CSMD1: variants seen among roughly 807,000 people sequenced by gnomAD.
The protein encoded by CSMD1 is CUB and Sushi multiple domains 1.
Under a neutral mutation model 417.5 loss-of-function variants are expected in CSMD1, and 213 were observed. The observed-to-expected ratio is 0.51, with a 90% confidence interval of 0.46 to 0.57. The LOEUF (loss-of-function observed/expected upper bound fraction) is 0.57, where lower values mean the gene tolerates loss of function less well. CSMD1 is among the 20% of genes least tolerant of loss of function. The pLI is 0.00. For synonymous variants in CSMD1, 2,862 were observed against 1,736.8 expected (o/e 1.65, Z -16.11); for missense variants, 6,923 against 4,529.7 (o/e 1.53, Z -15.17).
At chr8:4,123,477 T>A (rs923730563) in intron 3 of CSMD1, among the ~76,000 whole-genome samples, 2 of 152,246 alleles carry the variant, frequency 1.3e-5, no homozygotes, top group African/African-American at 4.8e-5. Flanking sequence ...GGTAAATCAG[T>A]GCAGTTGAAT....
At chr8:4,666,682 C>G (rs1202512008) in intron 1 of CSMD1, among the ~76,000 whole-genome samples, 3 of 152,106 alleles carry the variant, frequency 2.0e-5, no homozygotes, top group Non-Finnish European at 4.4e-5. Flanking sequence ...AACAAAGTGT[C>G]CAAATATTTT....
chr8:3,786,099 C>T (rs187508990), intron 5 of CSMD1, among the ~76,000 whole-genome samples: 30 of 152,084 alleles, frequency 2.0e-4, no homozygotes, highest in Middle Eastern at 3.4e-3. Context: ...GGGTGTGAGG[C>T]GTGTAGTTTG....
intron 3 of CSMD1, among the ~76,000 whole-genome samples, chr8:4,230,604 T>C (rs1801662917): frequency 6.6e-6 from 1 of 152,190 alleles, no homozygotes; most frequent in Non-Finnish European, 1.5e-5. Flanking sequence ...GGCTGTTATG[T>C]ATCAAGATGT....
At chr8:3,778,962 C>G (rs1348042511) in intron 5 of CSMD1, among the ~76,000 whole-genome samples, 2 of 152,150 alleles carry the variant, frequency 1.3e-5, no homozygotes, top group Non-Finnish European at 2.9e-5. Context: ...TCAGCCTTGG[C>G]TTGTGTTCTT....
At chr8:3,424,608 A>G (rs969102359) in intron 12 of CSMD1, among the ~76,000 whole-genome samples, 2 of 152,236 alleles carry the variant, frequency 1.3e-5, no homozygotes, top group African/African-American at 4.8e-5. Context: ...TAGTATCACA[A>G]TTTGAACACA....
At chr8:3,157,032 G>A (rs932241882) in intron 39 of CSMD1, among the ~76,000 whole-genome samples, 8 of 149,410 alleles carry the variant, frequency 5.4e-5, no homozygotes, top group Admixed American at 5.3e-4. Flanking sequence ...AATAGCATTC[G>A]CAGAGGAAGT....
intron 3 of CSMD1, among the ~76,000 whole-genome samples, chr8:4,303,897 T>C (rs1798114715): frequency 6.6e-6 from 1 of 152,100 alleles, no homozygotes; most frequent in African/African-American, 2.4e-5. Context: ...CCTTGTGATC[T>C]GCCTGCCTCA....
intron 1 of CSMD1, among the ~76,000 whole-genome samples, chr8:4,841,929 A>AAAAAAAAAACAAAAAACAAAAC (rs1554499183): frequency 3.5e-5 from 5 of 144,368 alleles, no homozygotes; most frequent in African/African-American, 1.3e-4. Flanking sequence ...AAAAAAAAAA[A>AAAAAAAAAACAAAAAACAAAAC]AAAAAAAAAG....
intron 3 of CSMD1, among the ~76,000 whole-genome samples, chr8:4,163,674 C>T (rs534479569): frequency 1.3e-5 from 2 of 151,978 alleles, no homozygotes; most frequent in Admixed American, 1.3e-4. Context: ...AATTTTAAAA[C>T]AAGAAGTAAC....
At chr8:2,996,038 G>C (rs932647544) in intron 54 of CSMD1, among the ~76,000 whole-genome samples, 5 of 152,090 alleles carry the variant, frequency 3.3e-5, no homozygotes, top group African/African-American at 1.2e-4. Flanking sequence ...TCTACCACTG[G>C]GTGAGAGTGG....
intron 1 of CSMD1, among the ~76,000 whole-genome samples, chr8:4,993,079 T>C (rs888800253): frequency 3.9e-5 from 6 of 152,134 alleles, no homozygotes; most frequent in African/African-American, 1.4e-4. Context: ...ACAGTCCTCC[T>C]TCGCCCTGCC....
chr8:3,945,344 G>C (rs947975662), intron 5 of CSMD1, among the ~76,000 whole-genome samples: 1 of 152,064 alleles, frequency 6.6e-6, no homozygotes, highest in Non-Finnish European at 1.5e-5. Context: ...TGGACATAAT[G>C]ATGTCCACAA....
intron 4 of CSMD1, among the ~76,000 whole-genome samples, chr8:4,011,156 TATAAA>T (rs994562700): frequency 1.3e-5 from 2 of 152,202 alleles, no homozygotes; most frequent in African/African-American, 4.8e-5. Flanking sequence ...GATGCCTACT[TATAAA>T]ATATCTTTCC....
At chr8:3,788,572 G>A (rs1023598367) in intron 5 of CSMD1, among the ~76,000 whole-genome samples, 3 of 152,156 alleles carry the variant, frequency 2.0e-5, no homozygotes. Context: ...TTAATTTAAT[G>A]CATTAAATCT....
At chr8:3,927,829 G>C (rs930469989) in intron 5 of CSMD1, among the ~76,000 whole-genome samples, 1 of 152,046 alleles carries the variant, frequency 6.6e-6, no homozygotes, top group African/African-American at 2.4e-5. Flanking sequence ...ATGTCTCTCA[G>C]TGATGTTTGG....
chr8:3,514,863 T>G (rs1289059822), intron 10 of CSMD1, among the ~76,000 whole-genome samples: 1 of 152,122 alleles, frequency 6.6e-6, no homozygotes, highest in Non-Finnish European at 1.5e-5. Flanking sequence ...AATGACTTTT[T>G]AAAAAATCAG....
At chr8:4,350,282 G>A (rs981192494) in intron 3 of CSMD1, among the ~76,000 whole-genome samples, 2 of 152,202 alleles carry the variant, frequency 1.3e-5, no homozygotes, top group African/African-American at 2.4e-5. Flanking sequence ...GACGCCAACT[G>A]CAGGTGACTG....
intron 2 of CSMD1, among the ~76,000 whole-genome samples, chr8:4,506,937 T>G (rs1189341344): frequency 6.6e-6 from 1 of 152,202 alleles, no homozygotes; most frequent in Non-Finnish European, 1.5e-5. Context: ...CTTTAAAATA[T>G]AAGGAGAAAG....
At chr8:3,979,458 G>C (rs952504838) in intron 5 of CSMD1, among the ~76,000 whole-genome samples, 3 of 152,188 alleles carry the variant, frequency 2.0e-5, no homozygotes, top group African/African-American at 7.2e-5. Context: ...GCAACTCACA[G>C]GATACAGTGT....
Sources: gnomAD v4.1 joint callset for allele counts (sites outside exome capture counted in the v4.1 genomes callset) on GRCh38, gnomAD v4.1.1 for gene constraint, MANE v1.5 for transcripts, NCBI Gene and HGNC (gene_info 2026-07-23, HGNC 2026-07-21) for gene names.